Variants in ANOS1 observed in about 807,000 individuals in gnomAD.
ANOS1 encodes the protein anosmin 1, also known as anosmin-1.
In ANOS1, 6 loss-of-function variants were observed where a neutral mutation model predicts 59.0. That is an observed-to-expected ratio of 0.10 (90% CI 0.06 to 0.20). The LOEUF (loss-of-function observed/expected upper bound fraction) is 0.20. Ranked by LOEUF, ANOS1 falls within the 10% of genes least tolerant of loss-of-function variation. ANOS1 has a pLI of 1.00. For missense variants in ANOS1, 433 were observed against 542.3 expected, an observed-to-expected ratio of 0.80 and a Z score of 2.00; for synonymous variants, 217 against 223.4, an observed-to-expected ratio of 0.97 and a Z score of 0.25.
chrX:8,612,224 T>C (rs1931070937), intron 3 of ANOS1, among the ~76,000 whole-genome samples: 1 of 111,484 alleles, frequency 9.0e-6, no homozygotes, highest in African/African-American at 3.2e-5. Flanking sequence ...TTCTCAAAAA[T>C]TTACAAAATA....
At chrX:8,615,542 CAA>C (rs34060774) in intron 3 of ANOS1, among the ~76,000 whole-genome samples, 31 of 58,033 alleles carry the variant, frequency 5.3e-4, no homozygotes, top group Admixed American at 6.5e-4. Context: ...GACCCTGTCT[CAA>C]AAAAAAAAAA....
In ANOS1 at chrX:8,587,707, G is replaced by T. The variant is rs1403769680; in HGVS notation, c.726+87C>A. ...TTTATTTCTGTAGTCAAGCTATTTT[G>T]AGGCATAGCAAGTTAATTTTTTGTG... On this transcript the variant is annotated intron_variant, in intron 5 of 13. Transcript: ENST00000262648. 6 of 673,576 alleles carry T rather than the reference G, an allele frequency of 8.9e-6. No individual in the cohort carries two copies. The African/African-American group carries it at 1.3e-4, about 15-fold the overall frequency. 55.5% of individuals were successfully genotyped at this position (673,576 alleles called of 1,213,427 possible). A position where few individuals can be genotyped will look rare whatever the true frequency, so the allele number is the denominator to read the frequency against.
chrX:8,666,965 G>T (rs916635227), intron 2 of ANOS1, among the ~76,000 whole-genome samples: 5 of 111,882 alleles, frequency 4.5e-5, no homozygotes, highest in Non-Finnish European at 9.4e-5. Context: ...AGTAGGAATA[G>T]CCAGGGAGAA....
At chrX:8,685,648 GAAA>G (rs1932508415) in intron 2 of ANOS1, among the ~76,000 whole-genome samples, 1 of 96,650 alleles carries the variant, frequency 1.0e-5, no homozygotes, top group Non-Finnish European at 2.1e-5. Flanking sequence ...AAGAAAGAAA[GAAA>G]GAAAGAAAAA....
At chrX:8,605,711 A>G (rs935280904) in intron 3 of ANOS1, among the ~76,000 whole-genome samples, 4 of 110,518 alleles carry the variant, frequency 3.6e-5, no homozygotes, top group African/African-American at 1.3e-4. Flanking sequence ...AGGAATTAAT[A>G]GAAAAAAATT....
At chrX:8,646,074 G>A (rs187542400) in intron 2 of ANOS1, among the ~76,000 whole-genome samples, 1 of 112,168 alleles carries the variant, frequency 8.9e-6, no homozygotes, top group Non-Finnish European at 1.9e-5. Context: ...GATTACAGGC[G>A]TGAGCCACCG....
intron 2 of ANOS1, among the ~76,000 whole-genome samples, chrX:8,666,287 A>G (rs1932134493): frequency 8.9e-6 from 1 of 111,907 alleles, no homozygotes; most frequent in South Asian, 3.7e-4. Flanking sequence ...ACCAGTATGA[A>G]GAGTCCCCTT....
intron 6 of ANOS1, among the ~76,000 whole-genome samples, chrX:8,572,015 T>C (rs1351585919): frequency 8.9e-6 from 1 of 112,395 alleles, no homozygotes; most frequent in East Asian, 2.8e-4. Flanking sequence ...ATATCATGTC[T>C]GGACATTTAG....
intron 7 of ANOS1, among the ~76,000 whole-genome samples, chrX:8,569,579 T>C (rs1384140816): frequency 2.7e-5 from 3 of 111,736 alleles, no homozygotes; most frequent in Admixed American, 9.4e-5. Context: ...GAGGCGGAGC[T>C]TGCAGTGAGC....
intron 8 of ANOS1, among the ~76,000 whole-genome samples, chrX:8,554,563 TTTTTTTTG>T (rs1929917242): frequency 1.0e-5 from 1 of 99,926 alleles, no homozygotes; most frequent in African/African-American, 3.7e-5. Context: ...TTTTTTTTTT[TTTTTTTTG>T]TTGTTGTTGT....
At chrX:8,669,100 T>C (rs1932213602) in intron 2 of ANOS1, among the ~76,000 whole-genome samples, 1 of 112,012 alleles carries the variant, frequency 8.9e-6, no homozygotes, top group Non-Finnish European at 1.9e-5. Flanking sequence ...GAAGGGACAC[T>C]TGGTGGTGCC....
intron 2 of ANOS1, among the ~76,000 whole-genome samples, chrX:8,698,097 A>C (rs747023824): frequency 7.1e-5 from 8 of 112,109 alleles, no homozygotes; most frequent in Non-Finnish European, 1.5e-4. Context: ...ACAACCCTTC[A>C]ATTTCTGTCA....
chrX:8,662,208 T>G (rs1932049879), intron 2 of ANOS1, among the ~76,000 whole-genome samples: 2 of 111,435 alleles, frequency 1.8e-5, no homozygotes, highest in African/African-American at 6.5e-5. Context: ...AATGACCAGA[T>G]AGTGGATATT....
At chrX:8,640,826 A>T (rs1011677042) in intron 2 of ANOS1, among the ~76,000 whole-genome samples, 1 of 111,989 alleles carries the variant, frequency 8.9e-6, no homozygotes, top group African/African-American at 3.2e-5. Flanking sequence ...TCATAGATAC[A>T]ATTTCTACTC....
At chrX:8,648,563 A>C (rs147791778) in intron 2 of ANOS1, among the ~76,000 whole-genome samples, 3,378 of 111,580 alleles carry the variant, frequency 0.03, 45 homozygotes, top group African/African-American at 0.05. Flanking sequence ...TAAACACTCA[A>C]ATAACTATTT....
At chrX:8,645,993 G>A (rs1359979681) in intron 2 of ANOS1, among the ~76,000 whole-genome samples, 2 of 108,884 alleles carry the variant, frequency 1.8e-5, no homozygotes, top group African/African-American at 6.7e-5. Flanking sequence ...TCACAATGTT[G>A]GCCAGGCTGG....
chrX:8,594,658 GTATATATATATATATATATATATATATA>G lies in ANOS1; in HGVS notation c.541+2348_541+2375del, dbSNP rs767812487. On this transcript the variant is annotated intron_variant, in intron 4 of 13. Coordinates refer to ENST00000262648, the MANE Select transcript of ANOS1 (RefSeq NM_000216.4). ...AAAAAATCTACATATATATATATGT[GTATATATATATATATATATATATATATA>G]TATATATATATACACATATATATAC... Among the ~76,000 whole-genome samples the G allele has an allele frequency of 2.7e-4, 9 of 33,576 alleles. 1 individual carries two copies. The highest frequency in any genetic ancestry group is 7.8e-4 in the African/African-American group (6 of 7,738). 29.2% of individuals were successfully genotyped at this position (33,576 alleles called of 115,157 possible).
chrX:8,582,604 C>G (rs1363541276), intron 6 of ANOS1, among the ~76,000 whole-genome samples: 1 of 111,173 alleles, frequency 9.0e-6, no homozygotes, highest in African/African-American at 3.3e-5. Context: ...GGAAGTGGCT[C>G]AGATTTTAGA....
chrX:8,595,765 G>T (rs996038454), intron 4 of ANOS1, among the ~76,000 whole-genome samples: 3 of 111,199 alleles, frequency 2.7e-5, no homozygotes, highest in African/African-American at 9.8e-5. Flanking sequence ...TATATTAGGG[G>T]TCCCCAGCTC....
Sources: gnomAD v4.1 joint callset for allele counts (sites outside exome capture counted in the v4.1 genomes callset) on GRCh38, gnomAD v4.1.1 for gene constraint, MANE v1.5 for transcripts, NCBI Gene and HGNC (gene_info 2026-07-23, HGNC 2026-07-21) for gene names.